MIPOL1: variants seen among roughly 807,000 people sequenced by gnomAD.
The protein encoded by MIPOL1 is mirror-image polydactyly 1, also known as mirror-image polydactyly gene 1 protein.
Under a neutral mutation model 60.9 loss-of-function variants are expected in MIPOL1, and 57 were observed. That is an observed-to-expected ratio of 0.94 (90% CI 0.76 to 1.17). MIPOL1 has a LOEUF of 1.17. Ranked by LOEUF, MIPOL1 falls within the 50% of genes most tolerant of loss-of-function variation. MIPOL1 has a pLI of 0.00. For synonymous variants in MIPOL1, 179 were observed against 168.8 expected, an observed-to-expected ratio of 1.06 and a Z score of -0.47; for missense variants, 551 against 511.6, an observed-to-expected ratio of 1.08 and a Z score of -0.74.
intron 12 of MIPOL1, among the ~76,000 whole-genome samples, chr14:37,530,374 G>A (rs908089884): frequency 6.6e-6 from 1 of 152,230 alleles, no homozygotes; most frequent in East Asian, 1.9e-4. Flanking sequence ...CCAGATGGCA[G>A]ATATAAAACT....
At chr14:37,257,429 T>C (rs998567200) in intron 3 of MIPOL1, among the ~76,000 whole-genome samples, 12 of 152,094 alleles carry the variant, frequency 7.9e-5, no homozygotes, top group African/African-American at 2.9e-4. Context: ...GATGAATGTC[T>C]CATATAGTTT....
chr14:37,351,184 T>A (rs930193257), intron 9 of MIPOL1, among the ~76,000 whole-genome samples: 3 of 146,252 alleles, frequency 2.1e-5, no homozygotes, highest in African/African-American at 7.6e-5. Flanking sequence ...TTGCGATAGT[T>A]TACTGAGAAT....
At chr14:37,461,460 G>A (rs186691219) in intron 11 of MIPOL1, among the ~76,000 whole-genome samples, 51 of 152,202 alleles carry the variant, frequency 3.4e-4, no homozygotes, top group South Asian at 6.2e-4. Flanking sequence ...TGGGAATTAC[G>A]TGAGGTACAG....
At chr14:37,469,770 A>G (rs956667262) in intron 11 of MIPOL1, among the ~76,000 whole-genome samples, 1 of 152,120 alleles carries the variant, frequency 6.6e-6, no homozygotes, top group African/African-American at 2.4e-5. Flanking sequence ...GCACTCCTAA[A>G]AAAAAGGATA....
intron 9 of MIPOL1, among the ~76,000 whole-genome samples, chr14:37,360,350 G>A (rs2092152661): frequency 6.6e-6 from 1 of 152,182 alleles, no homozygotes; most frequent in African/African-American, 2.4e-5. Flanking sequence ...AATTAGGGAG[G>A]ATTCCCTCTT....
intron 3 of MIPOL1, among the ~76,000 whole-genome samples, chr14:37,263,931 T>C (rs549942794): frequency 6.6e-6 from 1 of 152,342 alleles, no homozygotes; most frequent in East Asian, 1.9e-4. Context: ...TTGTCTTATC[T>C]TTTAAATTGA....
intron 7 of MIPOL1, among the ~76,000 whole-genome samples, chr14:37,286,672 A>T (rs1379833521): frequency 6.6e-6 from 1 of 152,166 alleles, no homozygotes; most frequent in East Asian, 1.9e-4. Context: ...ATATGTGTCC[A>T]AGTTGTGATT....
chr14:37,470,711 C>T (rs756458201), intron 11 of MIPOL1, among the ~76,000 whole-genome samples: 4 of 151,948 alleles, frequency 2.6e-5, no homozygotes, highest in Non-Finnish European at 4.4e-5. Context: ...GGGTTGCAAT[C>T]AGGAGAGAGT....
chr14:37,302,434 T>TA (rs201318809), intron 7 of MIPOL1, among the ~76,000 whole-genome samples: 4,146 of 151,752 alleles, frequency 0.027, 214 homozygotes, highest in African/African-American at 0.094. Context: ...AGGTATTTGA[T>TA]GGTTTTTCAA....
intron 7 of MIPOL1, among the ~76,000 whole-genome samples, chr14:37,305,424 A>G (rs577086859): frequency 1.2e-4 from 18 of 151,906 alleles, no homozygotes; most frequent in Admixed American, 9.9e-4. Context: ...TTGGGATACA[A>G]CTACACTTGA....
rs1454980497 is a variant in MIPOL1, at chr14:37,549,233, A to G, written c.*2262A>G. ...GTTTGCTTTACACATCATCAACTCTAAATCCTATAGTAACATGAGAATTCA... is the reference window on the plus strand; with the variant it reads ...GTTTGCTTTACACATCATCAACTCTGAATCCTATAGTAACATGAGAATTCA... On this transcript the variant is annotated 3_prime_UTR_variant, in exon 13 of 13. Coordinates refer to ENST00000684589, the MANE Select transcript of MIPOL1 (RefSeq NM_001388067.1). The G allele has an allele frequency of 6.6e-6, 1 of 151,932 alleles. No homozygotes were observed. The highest frequency in any genetic ancestry group is 1.5e-5 in the Non-Finnish European group (1 of 67,822). The allele number at this position is 151,932 out of a possible 1,614,324, so 9.4% of individuals were successfully genotyped here.
At chr14:37,343,448 G>C (rs975938005) in intron 9 of MIPOL1, among the ~76,000 whole-genome samples, 2 of 152,302 alleles carry the variant, frequency 1.3e-5, no homozygotes, top group East Asian at 1.9e-4. Flanking sequence ...GCAGTTCAGT[G>C]TACATAATTC....
chr14:37,214,774 T>A (rs2139375677), intron 1 of MIPOL1, among the ~76,000 whole-genome samples: 1 of 152,230 alleles, frequency 6.6e-6, no homozygotes, highest in East Asian at 1.9e-4. Flanking sequence ...GGTCTAGCAG[T>A]AATGCCAGTG....
intron 6 of MIPOL1, among the ~76,000 whole-genome samples, chr14:37,273,677 G>C (rs1353698127): frequency 6.6e-6 from 1 of 151,326 alleles, no homozygotes; most frequent in Non-Finnish European, 1.5e-5. Context: ...GGAGCAATTG[G>C]GAAGACCAAA....
At chr14:37,203,906 C>A (rs1373179787) in intron 1 of MIPOL1, among the ~76,000 whole-genome samples, 2 of 152,154 alleles carry the variant, frequency 1.3e-5, no homozygotes, top group South Asian at 2.1e-4. Flanking sequence ...CCTCAGCCTC[C>A]CAAGTAGCTG....
Position 37,280,082 on chromosome 14 carries a change from T to C in MIPOL1, c.494-5236T>C, listed in dbSNP as rs1188809674. Among the ~76,000 whole-genome samples the C allele has an allele frequency of 3.9e-5, 6 of 152,338 alleles. No individual in the cohort carries two copies. In the East Asian group the frequency reaches 1.2e-3, roughly 29 times the overall value. Reference sequence around the variant, plus strand: ...GCTTATTTCGCCTAGCATAGTGTCCTCTAGGTTTATCCACGTTGTTGCAAA... The same window carrying C: ...GCTTATTTCGCCTAGCATAGTGTCCCCTAGGTTTATCCACGTTGTTGCAAA... On this transcript the variant is annotated intron_variant, in intron 6 of 12. Transcript: ENST00000684589.
intron 9 of MIPOL1, among the ~76,000 whole-genome samples, chr14:37,327,212 G>C (rs895352825): frequency 6.6e-6 from 1 of 152,154 alleles, no homozygotes; most frequent in South Asian, 2.1e-4. Flanking sequence ...TATGCAGTGT[G>C]TGGAAGAAAT....
chr14:37,513,815 T>A (rs1182773922), intron 12 of MIPOL1, among the ~76,000 whole-genome samples: 1 of 152,144 alleles, frequency 6.6e-6, no homozygotes, highest in Non-Finnish European at 1.5e-5. Context: ...AGAGTTGAGC[T>A]ACTATATGTT....
chr14:37,467,957 G>A lies in MIPOL1; in HGVS notation c.1032-31951G>A, dbSNP rs546598527. Among the ~76,000 whole-genome samples the A allele has an allele frequency of 1.3e-3, 200 of 151,832 alleles. 1 individual carries two copies. The highest frequency in any genetic ancestry group is 4.5e-3 in the African/African-American group (186 of 41,374). Reference sequence around the variant, plus strand: ...TAATCCCAGCTACTCAGGAGGCTGAGGCAGGAGAATCACTTCAACCCGGCA... The same window carrying A: ...TAATCCCAGCTACTCAGGAGGCTGAAGCAGGAGAATCACTTCAACCCGGCA... On this transcript the variant is annotated intron_variant, in intron 11 of 12. Coordinates refer to ENST00000684589, the MANE Select transcript of MIPOL1 (RefSeq NM_001388067.1).
Sources: gnomAD v4.1 joint callset for allele counts (sites outside exome capture counted in the v4.1 genomes callset) on GRCh38, gnomAD v4.1.1 for gene constraint, MANE v1.5 for transcripts, NCBI Gene and HGNC (gene_info 2026-07-23, HGNC 2026-07-21) for gene names.